The following KIRREL3 variants were observed in gnomAD, a reference collection of about 807,000 sequenced individuals.
KIRREL3 encodes the protein kin of IRRE-like protein 3.
KIRREL3 carries 36 observed loss-of-function variants against 89.7 expected under a neutral mutation model. The observed-to-expected ratio is 0.40, with a 90% confidence interval of 0.31 to 0.53. The LOEUF (loss-of-function observed/expected upper bound fraction) is 0.53. Ranked by LOEUF, KIRREL3 falls within the 20% of genes least tolerant of loss-of-function variation. KIRREL3 has a pLI of 0.49. For missense variants in KIRREL3, 864 were observed against 1,056.6 expected (o/e 0.82, Z 2.53); for synonymous variants, 445 against 441.4 (o/e 1.01, Z -0.10).
At chr11:126,585,411 T>C (rs558246142) in intron 1 of KIRREL3, among the ~76,000 whole-genome samples, 169 of 151,892 alleles carry the variant, frequency 1.1e-3, no homozygotes, top group African/African-American at 3.9e-3. Flanking sequence ...ATTTTGTATT[T>C]TCAGTAGAGA....
rs1272145272 is a variant in KIRREL3, at chr11:126,430,535, G to A, written c.1696+884C>T. Among the ~76,000 whole-genome samples the A allele has an allele frequency of 1.3e-5, 2 of 152,152 alleles. No homozygotes were observed. The highest frequency in any genetic ancestry group is 3.8e-4 in the East Asian group (2 of 5,202). On this transcript the variant is annotated intron_variant, in intron 14 of 16. Transcript: ENST00000525144. This position sits in a 1 kb window ranked among gnomAD's most constrained non-coding sequence, Gnocchi z 6.6. ...TTCCACTGAGACGGTGGTGATGGAG[G>A]TCCTGAGACCACATCATTGCTGGGG...
In KIRREL3 at chr11:126,994,692, G is replaced by T. The variant is rs541783; in HGVS notation, c.55+5763C>A. Among the ~76,000 whole-genome samples, 24,417 of 152,172 alleles carry T rather than the reference G, an allele frequency of 0.16. 2,305 individuals are homozygous for T. The highest frequency in any genetic ancestry group is 0.28 in the Middle Eastern group (82 of 292). The stretch of plus-strand genomic sequence containing the variant: ...GCATAATGGTCCTAGCTCCTTCAGT[G>T]AGTTAGAAGCTATGAGTGAATGAAA... On this transcript the variant is annotated intron_variant, in intron 1 of 16. Coordinates refer to ENST00000525144, the MANE Select transcript of KIRREL3 (RefSeq NM_032531.4). This position sits in a 1 kb window ranked among gnomAD's most constrained non-coding sequence, Gnocchi z 5.2.
chr11:126,474,840 G>A lies in KIRREL3; in HGVS notation c.434-1374C>T, dbSNP rs890694252. ...TGGATGATCATGGTTTGGAGGAGAGGCCCAGAAATCTGAAGTACCTTGCCT... is the reference window on the plus strand; with the variant it reads ...TGGATGATCATGGTTTGGAGGAGAGACCCAGAAATCTGAAGTACCTTGCCT... On this transcript the variant is annotated intron_variant, in intron 4 of 16. Coordinates refer to ENST00000525144, the MANE Select transcript of KIRREL3 (RefSeq NM_032531.4). This position sits in a 1 kb window ranked among gnomAD's most constrained non-coding sequence, Gnocchi z 6.7. 6.6e-6 allele frequency among the ~76,000 whole-genome samples: 1 copy of A among 152,216 alleles called. No homozygotes were observed. Among genetic ancestry groups the A allele is most frequent in the African/African-American group, 2.4e-5 (1 of 41,454 alleles).
intron 1 of KIRREL3, among the ~76,000 whole-genome samples, chr11:126,793,946 A>G (rs1950724219): frequency 6.6e-6 from 1 of 152,180 alleles, no homozygotes; most frequent in South Asian, 2.1e-4. Flanking sequence ...AAAGTTATAT[A>G]ACGGCCTGAA....
In KIRREL3 at chr11:126,640,671, A is replaced by G. The variant is rs1944434361; in HGVS notation, c.56-77759T>C. Reference sequence around the variant, plus strand: ...CTCTCATATTACTTGCTGCTGTTTCACATGGGTTCTTTCTGAATCTGGAAT... The same window carrying G: ...CTCTCATATTACTTGCTGCTGTTTCGCATGGGTTCTTTCTGAATCTGGAAT... On this transcript the variant is annotated intron_variant, in intron 1 of 16. Coordinates refer to ENST00000525144, the MANE Select transcript of KIRREL3 (RefSeq NM_032531.4). This position sits in a 1 kb window ranked among gnomAD's most constrained non-coding sequence, Gnocchi z 4.9. 1.3e-5 allele frequency among the ~76,000 whole-genome samples: 2 copies of G among 152,216 alleles called. No homozygotes were observed. The highest frequency in any genetic ancestry group is 4.8e-5 in the African/African-American group (2 of 41,454).
At chr11:126,889,512 A>G (rs1266934191) in intron 1 of KIRREL3, among the ~76,000 whole-genome samples, 2 of 152,112 alleles carry the variant, frequency 1.3e-5, no homozygotes, top group African/African-American at 4.8e-5. Context: ...AAAAAAAAGG[A>G]GAAGAAAAAA....
intron 1 of KIRREL3, among the ~76,000 whole-genome samples, chr11:126,958,363 C>A (rs1591382815): frequency 6.6e-6 from 1 of 152,306 alleles, no homozygotes; most frequent in East Asian, 1.9e-4. Context: ...ATAAGAGGCT[C>A]CTCCATTTGA....
rs547974143 is a variant in KIRREL3 at position 126,768,617 on chromosome 11, C to T, written c.56-205705G>A. 3.3e-5 allele frequency among the ~76,000 whole-genome samples: 5 copies of T among 152,204 alleles called. No individual in the cohort carries two copies. The highest frequency in any genetic ancestry group is 7.3e-5 in the Non-Finnish European group (5 of 68,028). ...GGAGGACTACTTTGGATGGGGTAGT[C>T]AGGATGGACTCTTGGAGGATGTGAC... On this transcript the variant is annotated intron_variant, in intron 1 of 16. Coordinates refer to ENST00000525144, the MANE Select transcript of KIRREL3 (RefSeq NM_032531.4). The surrounding 1 kb of genome is among the most constrained non-coding windows in gnomAD (Gnocchi z 4.5).
At position 126,755,854 on chromosome 11, in the gene KIRREL3, A is replaced by G. The variant is rs1949480308; in HGVS notation, c.56-192942T>C. Reference sequence around the variant, plus strand: ...GAGAGAGAGAGAGAGAGAGAGAGAGAGGGAGAGAGGGAGAGAGAAAAAACA... The same window carrying G: ...GAGAGAGAGAGAGAGAGAGAGAGAGGGGGAGAGAGGGAGAGAGAAAAAACA... On this transcript the variant is annotated intron_variant, in intron 1 of 16. Transcript: ENST00000525144. This position sits in a 1 kb window ranked among gnomAD's most constrained non-coding sequence, Gnocchi z 4.3. Among the ~76,000 whole-genome samples the G allele has an allele frequency of 7.1e-6, 1 of 139,876 alleles. No individual in the cohort carries two copies. Among genetic ancestry groups the G allele is most frequent in the Non-Finnish European group, 1.5e-5 (1 of 65,212 alleles). 91.8% of individuals were successfully genotyped at this position (139,876 alleles called of 152,430 possible).
At position 126,568,824 on chromosome 11, in the gene KIRREL3, A is replaced by T. The variant is rs540601985; in HGVS notation, c.56-5912T>A. 6.6e-6 allele frequency among the ~76,000 whole-genome samples: 1 copy of T among 151,780 alleles called. No individual in the cohort carries two copies. The highest frequency in any genetic ancestry group is 2.4e-5 in the African/African-American group (1 of 41,294). Reference sequence around the variant, plus strand: ...AAATAGAAACAAAATACCAAATTCTACCCCCCTCGTTTTTTTCTTTTTCAG... The same window carrying T: ...AAATAGAAACAAAATACCAAATTCTTCCCCCCTCGTTTTTTTCTTTTTCAG... On this transcript the variant is annotated intron_variant, in intron 1 of 16. Transcript: ENST00000525144. The surrounding 1 kb of genome is among the most constrained non-coding windows in gnomAD (Gnocchi z 4.6).
At chr11:126,973,200 C>T (rs1042656000) in intron 1 of KIRREL3, among the ~76,000 whole-genome samples, 55 of 150,062 alleles carry the variant, frequency 3.7e-4, no homozygotes, top group Non-Finnish European at 7.1e-4. Context: ...ATGGCCCTGG[C>T]ATACAATTCC....
Position 126,773,214 on chromosome 11 carries a change from C to A in KIRREL3, c.56-210302G>T, listed in dbSNP as rs1401060033. ...GTGCCCAGATGTTTTGTCAAACATT[C>A]TGGATGTTTCTGTGAAGGTGTTTCA... On this transcript the variant is annotated intron_variant, in intron 1 of 16. Transcript: ENST00000525144. The surrounding 1 kb of genome is among the most constrained non-coding windows in gnomAD (Gnocchi z 4.2). 6.6e-6 allele frequency among the ~76,000 whole-genome samples: 1 copy of A among 152,140 alleles called. No homozygotes were observed. The highest frequency in any genetic ancestry group is 2.4e-5 in the African/African-American group (1 of 41,420).
At chr11:126,667,880 T>A (rs1945733828) in intron 1 of KIRREL3, among the ~76,000 whole-genome samples, 1 of 152,160 alleles carries the variant, frequency 6.6e-6, no homozygotes, top group Non-Finnish European at 1.5e-5. Flanking sequence ...AGGAGACTGG[T>A]GTTTTCTGAT....
At chr11:126,460,006 G>A (rs748205151) in intron 6 of KIRREL3, among the ~76,000 whole-genome samples, 1 of 152,170 alleles carries the variant, frequency 6.6e-6, no homozygotes, top group Non-Finnish European at 1.5e-5. Flanking sequence ...CTGAGAAAAT[G>A]AGCAGGTTCA....
rs5795506 is a variant in KIRREL3 at position 126,613,871 on chromosome 11, CTT to C, written c.56-50961_56-50960del. 2.3e-5 allele frequency among the ~76,000 whole-genome samples: 2 copies of C among 88,544 alleles called. 1 individual carries two copies. Among genetic ancestry groups the C allele is most frequent in the Non-Finnish European group, 4.3e-5 (2 of 46,044 alleles). 58.1% of individuals were successfully genotyped at this position (88,544 alleles called of 152,430 possible). Reference sequence around the variant, plus strand: ...CATTTCTGGAATGTTAATACTGTTGCTTTTTTTTTTTTTTTTTTTTTTATTTT... The same window carrying C: ...CATTTCTGGAATGTTAATACTGTTGCTTTTTTTTTTTTTTTTTTTTATTTT... On this transcript the variant is annotated intron_variant, in intron 1 of 16. Transcript: ENST00000525144.
chr11:126,724,807 G>T lies in KIRREL3; in HGVS notation c.56-161895C>A, dbSNP rs903619322. On this transcript the variant is annotated intron_variant, in intron 1 of 16. Coordinates refer to ENST00000525144, the MANE Select transcript of KIRREL3 (RefSeq NM_032531.4). The surrounding 1 kb of genome is among the most constrained non-coding windows in gnomAD (Gnocchi z 4.3). Reference sequence around the variant, plus strand: ...TTATTAGACCTGCCTATGGGCCAAGGGTTCTTACTAATAGATTTTGAATAA... The same window carrying T: ...TTATTAGACCTGCCTATGGGCCAAGTGTTCTTACTAATAGATTTTGAATAA... Among the ~76,000 whole-genome samples, 3 of 152,246 alleles carry T rather than the reference G, an allele frequency of 2.0e-5. No individual in the cohort carries two copies. Among genetic ancestry groups the T allele is most frequent in the African/African-American group, 7.2e-5 (3 of 41,528 alleles).
chr11:126,996,155 A>C lies in KIRREL3; in HGVS notation c.55+4300T>G, dbSNP rs1367562760. Reference sequence around the variant, plus strand: ...CCAACAGACATGCCCCAGTTTCCCCACCCGAAGATTTGTTAAAGAAGTGGT... The same window carrying C: ...CCAACAGACATGCCCCAGTTTCCCCCCCCGAAGATTTGTTAAAGAAGTGGT... On this transcript the variant is annotated intron_variant, in intron 1 of 16. Coordinates refer to ENST00000525144, the MANE Select transcript of KIRREL3 (RefSeq NM_032531.4). The surrounding 1 kb of genome is among the most constrained non-coding windows in gnomAD (Gnocchi z 4.7). 2.6e-5 allele frequency among the ~76,000 whole-genome samples: 4 copies of C among 151,902 alleles called. No individual in the cohort carries two copies. Among genetic ancestry groups the C allele is most frequent in the Admixed American group, 2.6e-4 (4 of 15,260 alleles).
intron 5 of KIRREL3, among the ~76,000 whole-genome samples, chr11:126,472,505 TC>T (rs1476682358): frequency 6.6e-6 from 1 of 152,140 alleles, no homozygotes; most frequent in Non-Finnish European, 1.5e-5. Flanking sequence ...CCTGATCATC[TC>T]CTAAAGGCCC....
At position 126,612,655 on chromosome 11, in the gene KIRREL3, C is replaced by T. The variant is rs1286996262; in HGVS notation, c.56-49743G>A. On this transcript the variant is annotated intron_variant, in intron 1 of 16. Coordinates refer to ENST00000525144, the MANE Select transcript of KIRREL3 (RefSeq NM_032531.4). The surrounding 1 kb of genome is among the most constrained non-coding windows in gnomAD (Gnocchi z 4.5). Reference sequence around the variant, plus strand: ...CCCAAAATAAACCCCACACCCATCACTCCCCATTTCTGTCCCCGTCGGTAG... The same window carrying T: ...CCCAAAATAAACCCCACACCCATCATTCCCCATTTCTGTCCCCGTCGGTAG... Among the ~76,000 whole-genome samples, 1 of 152,176 alleles carries T rather than the reference C, an allele frequency of 6.6e-6. No individual in the cohort carries two copies. Among genetic ancestry groups the T allele is most frequent in the East Asian group, 1.9e-4 (1 of 5,198 alleles).
Sources: allele counts gnomAD v4.1 joint callset (sites outside exome capture counted in the v4.1 genomes callset), GRCh38; gene constraint gnomAD v4.1.1; non-coding constraint Gnocchi (gnomAD v3.1); transcripts MANE v1.5; gene names NCBI Gene and HGNC (gene_info 2026-07-23, HGNC 2026-07-21).